GREM2: variants seen among roughly 807,000 people sequenced by gnomAD.
GREM2 encodes gremlin-2.
GREM2 carries 11 observed loss-of-function variants against 14.2 expected under a neutral mutation model. That is an observed-to-expected ratio of 0.78 (90% CI 0.49 to 1.28). The LOEUF (loss-of-function observed/expected upper bound fraction) is 1.28, where lower values mean the gene tolerates loss of function less well. Among genes scored for constraint, GREM2 ranks in the 50% most tolerant of loss-of-function variants. The pLI is 0.00. For synonymous variants in GREM2, 98 were observed against 97.6 expected, an observed-to-expected ratio of 1.00 and a Z score of -0.02; for missense variants, 210 against 218.5, an observed-to-expected ratio of 0.96 and a Z score of 0.24.
chr1:240,602,584 C>T (rs948183509), intron 1 of GREM2, among the ~76,000 whole-genome samples: 1 of 152,108 alleles, frequency 6.6e-6, no homozygotes, highest in Non-Finnish European at 1.5e-5. Flanking sequence ...TTTGGGAGGC[C>T]GAGGCAGGAG....
At chr1:240,598,976 A>G (rs546404519) in intron 1 of GREM2, among the ~76,000 whole-genome samples, 1 of 152,212 alleles carries the variant, frequency 6.6e-6, no homozygotes, top group African/African-American at 2.4e-5. Flanking sequence ...TTCATTCAAT[A>G]AAGAGTAAGT....
At chr1:240,496,450 C>T (rs1275068818) in intron 1 of GREM2, among the ~76,000 whole-genome samples, 1 of 152,212 alleles carries the variant, frequency 6.6e-6, no homozygotes, top group Non-Finnish European at 1.5e-5. Context: ...TCACAGTCTT[C>T]AACTCTTTGC....
chr1:240,611,405 G>C (rs1264768047), intron 1 of GREM2, among the ~76,000 whole-genome samples: 2 of 152,106 alleles, frequency 1.3e-5, no homozygotes, highest in East Asian at 3.9e-4. Context: ...GGTGCACCTT[G>C]GCCATATGCT....
intron 1 of GREM2, among the ~76,000 whole-genome samples, chr1:240,528,914 C>G (rs75491244): frequency 0.034 from 5,225 of 152,276 alleles, 108 homozygotes; most frequent in Middle Eastern, 0.082. Context: ...TCTCCTACAT[C>G]CCCGAGAAAG....
chr1:240,591,065 C>A (rs746204921), intron 1 of GREM2, among the ~76,000 whole-genome samples: 8 of 152,188 alleles, frequency 5.3e-5, no homozygotes, highest in African/African-American at 1.9e-4. Flanking sequence ...CAGGCGTGAG[C>A]CACCATGCCC....
At chr1:240,507,188 G>T (rs370482621) in intron 1 of GREM2, among the ~76,000 whole-genome samples, 1 of 152,208 alleles carries the variant, frequency 6.6e-6, no homozygotes, top group Admixed American at 6.5e-5. Context: ...AGATTACTGA[G>T]CGGTAGAGTA....
chr1:240,528,098 A>T (rs975794424), intron 1 of GREM2, among the ~76,000 whole-genome samples: 4 of 152,228 alleles, frequency 2.6e-5, no homozygotes, highest in African/African-American at 9.6e-5. Context: ...CTTGACACAC[A>T]TTCTCTCATT....
intron 1 of GREM2, among the ~76,000 whole-genome samples, chr1:240,536,329 A>ACTTC: frequency 6.6e-6 from 1 of 152,216 alleles, no homozygotes; most frequent in Admixed American, 6.5e-5. Context: ...CTGATAATTA[A>ACTTC]ATGGGAAGAA....
chr1:240,557,526 TA>T (rs1302878927), intron 1 of GREM2, among the ~76,000 whole-genome samples: 1 of 152,186 alleles, frequency 6.6e-6, no homozygotes, highest in Non-Finnish European at 1.5e-5. Context: ...GCAAGGACTT[TA>T]AATTTCTGAA....
At chr1:240,531,529 C>A in intron 1 of GREM2, 1 of 535,004 alleles carries the variant, frequency 1.9e-6, no homozygotes, top group Non-Finnish European at 2.4e-6. Flanking sequence ...CTGAGTGCTT[C>A]TTCTTTTCAT....
chr1:240,561,007 C>A (rs1325251821), intron 1 of GREM2, among the ~76,000 whole-genome samples: 1 of 152,060 alleles, frequency 6.6e-6, no homozygotes, highest in Non-Finnish European at 1.5e-5. Flanking sequence ...TTCTGGCCAA[C>A]TATTTAAGAA....
rs542495230 is a variant in GREM2 at position 240,558,686 on chromosome 1, G to T, written c.-2+53198C>A. 1.7e-3 allele frequency among the ~76,000 whole-genome samples: 257 copies of T among 152,152 alleles called. 1 individual carries two copies. The highest frequency in any genetic ancestry group is 4.3e-3 in the Admixed American group (66 of 15,270). ...GGTTAGACCAGCAGTTCTCAAACTTGTTGGTGTCAGAATCCATTTTGCCCT... is the reference window on the plus strand; with the variant it reads ...GGTTAGACCAGCAGTTCTCAAACTTTTTGGTGTCAGAATCCATTTTGCCCT... On this transcript the variant is annotated intron_variant, in intron 1 of 1. Coordinates refer to ENST00000318160, the MANE Select transcript of GREM2 (RefSeq NM_022469.4).
intron 1 of GREM2, among the ~76,000 whole-genome samples, chr1:240,502,762 A>G (rs1332513284): frequency 6.6e-6 from 1 of 152,190 alleles, no homozygotes; most frequent in Non-Finnish European, 1.5e-5. Flanking sequence ...AAGAGTCAAG[A>G]TCTCCATTCT....
At chr1:240,500,166 T>C (rs1677535977) in intron 1 of GREM2, among the ~76,000 whole-genome samples, 1 of 152,226 alleles carries the variant, frequency 6.6e-6, no homozygotes, top group Non-Finnish European at 1.5e-5. Flanking sequence ...TTAATATAAG[T>C]AAAGCTAAAA....
intron 1 of GREM2, among the ~76,000 whole-genome samples, chr1:240,516,066 T>G (rs536323253): frequency 6.6e-6 from 1 of 151,078 alleles, no homozygotes; most frequent in East Asian, 1.9e-4. Flanking sequence ...CCAAGTATAC[T>G]CCATGGACTT....
intron 1 of GREM2, among the ~76,000 whole-genome samples, chr1:240,566,716 C>A (rs1038095215): frequency 6.6e-6 from 1 of 152,122 alleles, no homozygotes; most frequent in Non-Finnish European, 1.5e-5. Context: ...TGTCACTGCT[C>A]CCCAGAACAA....
chr1:240,498,234 G>T (rs772487023), intron 1 of GREM2, among the ~76,000 whole-genome samples: 5 of 152,176 alleles, frequency 3.3e-5, no homozygotes, highest in Non-Finnish European at 5.9e-5. Context: ...TAGAAGTTAG[G>T]TCTCACGGGA....
At chr1:240,573,560 A>G (rs1170271346) in intron 1 of GREM2, among the ~76,000 whole-genome samples, 1 of 152,206 alleles carries the variant, frequency 6.6e-6, no homozygotes, top group African/African-American at 2.4e-5. Flanking sequence ...CTTAAGTCCT[A>G]CGCCAGAGGC....
intron 1 of GREM2, among the ~76,000 whole-genome samples, chr1:240,509,630 T>A (rs548864132): frequency 8.6e-5 from 13 of 152,002 alleles, no homozygotes; most frequent in South Asian, 2.1e-4. Context: ...AGCCTCCCAG[T>A]GTGCTGGGAT....
Sources: allele counts gnomAD v4.1 joint callset (sites outside exome capture counted in the v4.1 genomes callset), GRCh38; gene constraint gnomAD v4.1.1; transcripts MANE v1.5; gene names NCBI Gene and HGNC (gene_info 2026-07-23, HGNC 2026-07-21).